TXK: variants seen among roughly 807,000 people sequenced by gnomAD.
TXK encodes the protein TXK tyrosine kinase.
A neutral mutation model predicts 81.0 loss-of-function variants in TXK; 60 were observed. The observed-to-expected ratio is 0.74, with a 90% CI of 0.60 to 0.92. The LOEUF is 0.92. TXK is among the 40% of genes least tolerant of loss of function. The pLI, the probability that TXK is intolerant of heterozygous loss-of-function variation, is 0.00. For synonymous variants in TXK, 203 were observed against 210.7 expected (o/e 0.96, Z 0.32); for missense variants, 581 against 638.3 (o/e 0.91, Z 0.97).
Position 48,079,375 on chromosome 4 carries a change from G to A in TXK, c.1173+537C>T, listed in dbSNP as rs1717201836. ...CTAAGATCAGTGCTTGAGATATTTT[G>A]CAGACCCTGCACTTGATGGATCAGC... On this transcript the variant is annotated intron_variant, in intron 11 of 14. Coordinates refer to ENST00000264316, the MANE Select transcript of TXK (RefSeq NM_003328.3). 1.3e-5 allele frequency among the ~76,000 whole-genome samples: 2 copies of A among 152,104 alleles called. 1 individual carries two copies. Among genetic ancestry groups the A allele is most frequent in the South Asian group, 4.2e-4 (2 of 4,802 alleles).
At chr4:48,110,470 A>C (rs1382726434) in intron 5 of TXK, 68 bp downstream of exon 5, 1 of 1,137,668 alleles carries the variant, frequency 8.8e-7, no homozygotes, top group Non-Finnish European at 1.3e-6. Context: ...GACCCAAAAC[A>C]GTATCTATAC....
At chr4:48,111,799 C>T (rs1159627648) in intron 4 of TXK, among the ~76,000 whole-genome samples, 2 of 152,244 alleles carry the variant, frequency 1.3e-5, no homozygotes, top group Non-Finnish European at 2.9e-5. Flanking sequence ...CAGGCATTAA[C>T]CATCTGTTGC....
At chr4:48,081,714 T>C (rs1240319968) in intron 10 of TXK, among the ~76,000 whole-genome samples, 1 of 152,292 alleles carries the variant, frequency 6.6e-6, no homozygotes, top group East Asian at 1.9e-4. Context: ...TCTGACCTTT[T>C]TCCTGAACCC....
chr4:48,113,176 T>C (rs1358981128), intron 3 of TXK, 31 bp downstream of exon 3: 1 of 1,537,676 alleles, frequency 6.5e-7, no homozygotes, highest in Non-Finnish European at 9.0e-7. Flanking sequence ...ACCTTCTCCA[T>C]TCCCCTCTTG....
chr4:48,067,630 T>G lies in TXK; in HGVS notation c.*7A>C, dbSNP rs142307382. On this transcript the variant is annotated 3_prime_UTR_variant, in exon 15 of 15. Coordinates refer to ENST00000264316, the MANE Select transcript of TXK (RefSeq NM_003328.3). Reference sequence around the variant, plus strand: ...GATGACTCTTTGGGTTGGCATTCTGTTTCCGGTCACCAGGTTTCCGCAATC... The same window carrying G: ...GATGACTCTTTGGGTTGGCATTCTGGTTCCGGTCACCAGGTTTCCGCAATC... The G allele has an allele frequency of 2.3e-5, 37 of 1,614,082 alleles. No individual in the cohort carries two copies. Among genetic ancestry groups the G allele is most frequent in the Non-Finnish European group, 3.1e-5 (36 of 1,179,946 alleles).
chr4:48,087,246 T>C (rs1212534685), intron 9 of TXK, among the ~76,000 whole-genome samples: 10 of 152,160 alleles, frequency 6.6e-5, no homozygotes, highest in Non-Finnish European at 1.2e-4. Context: ...ATAAACTGTT[T>C]TTAAAATAAC....
rs188671905 is a variant in TXK, at chr4:48,100,717, G to A, written c.501+4184C>T. On this transcript the variant is annotated intron_variant, in intron 6 of 14. Coordinates refer to ENST00000264316, the MANE Select transcript of TXK (RefSeq NM_003328.3). Reference sequence around the variant, plus strand: ...TTATCCTACAAACCCATATAAATGGGAAAAGATATGTGTATAGGTTATGGA... The same window carrying A: ...TTATCCTACAAACCCATATAAATGGAAAAAGATATGTGTATAGGTTATGGA... 2.8e-3 allele frequency among the ~76,000 whole-genome samples: 428 copies of A among 152,252 alleles called. 4 individuals carry two copies. The highest frequency in any genetic ancestry group is 9.9e-3 in the African/African-American group (413 of 41,560).
intron 1 of TXK, among the ~76,000 whole-genome samples, chr4:48,133,699 C>G (rs1719303512): frequency 6.6e-6 from 1 of 152,168 alleles, no homozygotes; most frequent in Non-Finnish European, 1.5e-5. Flanking sequence ...GTTTTGACTT[C>G]TCTTCCTTTT....
rs748924929 is a variant in TXK at position 48,078,562 on chromosome 4, A to C, written c.1173+1350T>G. ...GGGAATAGTGTGAATATCACGAATAAATGTGGAATGAACAGAAAGTGTTAC... is the reference window on the plus strand; with the variant it reads ...GGGAATAGTGTGAATATCACGAATACATGTGGAATGAACAGAAAGTGTTAC... On this transcript the variant is annotated intron_variant, in intron 11 of 14. Coordinates refer to ENST00000264316, the MANE Select transcript of TXK (RefSeq NM_003328.3). 1.5e-4 allele frequency among the ~76,000 whole-genome samples: 23 copies of C among 152,234 alleles called. No individual in the cohort carries two copies. In the South Asian group the frequency reaches 1.7e-3, roughly 11 times the overall value.
chr4:48,118,327 C>T (rs1718866294), intron 1 of TXK, among the ~76,000 whole-genome samples: 1 of 152,160 alleles, frequency 6.6e-6, no homozygotes, highest in Admixed American at 6.5e-5. Flanking sequence ...CTCCCATAAG[C>T]TGTTGGAGAA....
intron 1 of TXK, among the ~76,000 whole-genome samples, chr4:48,122,220 G>A (rs1444189120): frequency 1.3e-5 from 2 of 152,108 alleles, no homozygotes; most frequent in African/African-American, 4.8e-5. Context: ...TTCCACAAGA[G>A]CCTATAAAAT....
chr4:48,085,428 A>G (rs1475421641), intron 10 of TXK, among the ~76,000 whole-genome samples: 5 of 152,144 alleles, frequency 3.3e-5, no homozygotes, highest in Non-Finnish European at 7.4e-5. Context: ...GAGTACTTGT[A>G]AAGCACCTAT....
In TXK at chr4:48,080,058, T is replaced by C. The variant is rs948198483; in HGVS notation, c.1027A>G (p.Thr343Ala). The C allele has an allele frequency of 1.2e-6, 2 of 1,614,130 alleles. No homozygotes were observed. Among genetic ancestry groups the C allele is most frequent in the Non-Finnish European group, 1.7e-6 (2 of 1,180,002 alleles). ...AGGCAGCCATTTTCCATGAACTCTGTCACAATGTAAAGGGGCTTCCGCTGT... is the reference window on the plus strand; with the variant it reads ...AGGCAGCCATTTTCCATGAACTCTGCCACAATGTAAAGGGGCTTCCGCTGT... Reference protein sequence around the residue: ...CIQRKPLYIVTEFMENGCLLN... With the variant: ...CIQRKPLYIVAEFMENGCLLN... The change falls in exon 11 of 15, where the codon ACA becomes GCA. Residue 343 changes from threonine (T) to alanine (A), a missense_variant. Coordinates refer to ENST00000264316, the MANE Select transcript of TXK (RefSeq NM_003328.3).
intron 12 of TXK, 151 bp from the exon 13 acceptor site, chr4:48,074,204 G>A: frequency 1.7e-6 from 1 of 575,128 alleles, no homozygotes; most frequent in South Asian, 2.7e-5. Flanking sequence ...GTGTGAAAGT[G>A]TCCCTGATAA....
rs1488679648 is a variant in TXK at position 48,067,057 on chromosome 4, T to C, written c.*580A>G. 6.6e-6 allele frequency: 1 copy of C among 152,354 alleles called. No homozygotes were observed. Among genetic ancestry groups the C allele is most frequent in the Non-Finnish European group, 1.5e-5 (1 of 68,176 alleles). 9.4% of individuals were successfully genotyped at this position (152,354 alleles called of 1,614,324 possible). A position where few individuals can be genotyped will look rare whatever the true frequency, so the allele number is the denominator to read the frequency against. On this transcript the variant is annotated 3_prime_UTR_variant, in exon 15 of 15. Coordinates refer to ENST00000264316, the MANE Select transcript of TXK (RefSeq NM_003328.3). ...AAACTGCTTTCAATATAATCAGATA[T>C]GTGCAAAAACAATTTGTTAAATAAC...
chr4:48,105,601 G>A lies in TXK; in HGVS notation c.447-646C>T, dbSNP rs1645222913. Among the ~76,000 whole-genome samples, 3 of 151,816 alleles carry A rather than the reference G, an allele frequency of 2.0e-5. No homozygotes were observed. The South Asian group carries it at 6.2e-4, about 32-fold the overall frequency. On this transcript the variant is annotated intron_variant, in intron 5 of 14. Transcript: ENST00000264316. ...AAAATGTTCACTATTTGGGTGATGG[G>A]TACACCAGAAACCCAATACCCACCA...
At chr4:48,122,602 G>A (rs1718988454) in intron 1 of TXK, among the ~76,000 whole-genome samples, 2 of 152,054 alleles carry the variant, frequency 1.3e-5, no homozygotes, top group Admixed American at 6.5e-5. Context: ...TACCTCACTA[G>A]TATGTAAACA....
chr4:48,120,975 G>A (rs545579737), intron 1 of TXK, among the ~76,000 whole-genome samples: 54 of 152,248 alleles, frequency 3.5e-4, no homozygotes, highest in African/African-American at 1.3e-3. Context: ...TCTCTTGGCA[G>A]CATTGGTACC....
chr4:48,120,266 CACAT>C (rs990441089), intron 1 of TXK, among the ~76,000 whole-genome samples: 21 of 147,844 alleles, frequency 1.4e-4, no homozygotes, highest in African/African-American at 4.2e-4. Flanking sequence ...TATACATACA[CACAT>C]ATATACGTAT....
Sources: allele counts gnomAD v4.1 joint callset (sites outside exome capture counted in the v4.1 genomes callset), GRCh38; gene constraint gnomAD v4.1.1; transcripts MANE v1.5; gene names NCBI Gene and HGNC (gene_info 2026-07-23, HGNC 2026-07-21).